Variants in GUCY1B1 observed in about 807,000 individuals in gnomAD.
The protein encoded by GUCY1B1 is guanylate cyclase 1 soluble subunit beta 1.
In GUCY1B1, 43 loss-of-function variants were observed where a neutral mutation model predicts 71.0. The ratio of observed to expected loss-of-function variants is 0.61; its 90% CI spans 0.47 to 0.78. The LOEUF is 0.78. Ranked by LOEUF, GUCY1B1 falls within the 30% of genes least tolerant of loss-of-function variation. The pLI is 0.00. For synonymous variants in GUCY1B1, 266 were observed against 259.7 expected (o/e 1.02, Z -0.23); for missense variants, 535 against 754.1 (o/e 0.71, Z 3.40).
chr4:155,781,400 A>G (rs1482542309), intron 4 of GUCY1B1, among the ~76,000 whole-genome samples: 1 of 152,182 alleles, frequency 6.6e-6, no homozygotes. Context: ...ATACTAACAT[A>G]TCTTTCCCCT....
At chr4:155,794,131 T>C in intron 6 of GUCY1B1, 45 bp downstream of exon 6, 1 of 1,013,538 alleles carries the variant, frequency 9.9e-7, no homozygotes, top group Non-Finnish European at 1.5e-6. Context: ...CAAAAGCCCA[T>C]AGAAATACTA....
At chr4:155,765,760 C>T (rs1737291645) in intron 2 of GUCY1B1, among the ~76,000 whole-genome samples, 3 of 152,160 alleles carry the variant, frequency 2.0e-5, no homozygotes, top group Admixed American at 2.0e-4. Flanking sequence ...ATTCCAGCCC[C>T]ATGGGCCTGT....
At chr4:155,759,454 G>A (rs1336896586) in intron 1 of GUCY1B1, 1 of 522,062 alleles carries the variant, frequency 1.9e-6, no homozygotes, top group Non-Finnish European at 3.3e-6. Context: ...CCACCAGTGT[G>A]GGAGGCTGAG....
At chr4:155,786,623 C>T (rs1738806203) in intron 4 of GUCY1B1, among the ~76,000 whole-genome samples, 1 of 151,766 alleles carries the variant, frequency 6.6e-6, no homozygotes. Context: ...GCACCCACCG[C>T]CACACCCTGC....
At chr4:155,778,476 T>G (rs541759270) in intron 4 of GUCY1B1, among the ~76,000 whole-genome samples, 17 of 152,254 alleles carry the variant, frequency 1.1e-4, no homozygotes, top group Admixed American at 2.0e-4. Context: ...AGTGCAATAC[T>G]AGCTGAACCG....
chr4:155,774,921 T>G lies in GUCY1B1; in HGVS notation c.78-47T>G, dbSNP rs745501241. ...TTATTATACTTATAGTAGCTATTTT[T>G]TTAACTTCAACTTTTCTCTTCTGTC... On this transcript the variant is annotated intron_variant, in intron 2 of 13. Coordinates refer to ENST00000264424, the MANE Select transcript of GUCY1B1 (RefSeq NM_000857.5). 89 of 1,007,322 alleles carry G rather than the reference T, an allele frequency of 8.8e-5. No homozygotes were observed. The South Asian group carries it at 1.1e-3, about 12-fold the overall frequency. The allele number at this position is 1,007,322 out of a possible 1,614,324, so 62.4% of individuals were successfully genotyped here.
At chr4:155,762,127 G>C (rs538911828) in intron 2 of GUCY1B1, among the ~76,000 whole-genome samples, 1 of 152,202 alleles carries the variant, frequency 6.6e-6, no homozygotes, top group Non-Finnish European at 1.5e-5. Context: ...CTCCCTGGGA[G>C]AGCATTTGCT....
intron 4 of GUCY1B1, among the ~76,000 whole-genome samples, chr4:155,786,156 G>A (rs1738748802): frequency 6.6e-6 from 1 of 151,426 alleles, no homozygotes; most frequent in Non-Finnish European, 1.5e-5. Context: ...CAGTAAAAAA[G>A]ATGAGTATGA....
intron 5 of GUCY1B1, among the ~76,000 whole-genome samples, chr4:155,791,749 A>AT (rs1739192219): frequency 7.0e-6 from 1 of 142,614 alleles, no homozygotes; most frequent in African/African-American, 2.6e-5. Flanking sequence ...TAGAGAAAAA[A>AT]AAAAAAATAA....
At chr4:155,781,991 T>G (rs978012655) in intron 4 of GUCY1B1, among the ~76,000 whole-genome samples, 2 of 152,198 alleles carry the variant, frequency 1.3e-5, no homozygotes, top group Non-Finnish European at 2.9e-5. Context: ...GTTTTTCCAC[T>G]TTTTTATTCA....
At position 155,771,146 on chromosome 4, in the gene GUCY1B1, A is replaced by G. The variant is rs1359551178; in HGVS notation, c.78-3822A>G. 2.0e-5 allele frequency among the ~76,000 whole-genome samples: 3 copies of G among 152,244 alleles called. No homozygotes were observed. In the East Asian group the frequency reaches 5.8e-4, roughly 29 times the overall value. Reference sequence around the variant, plus strand: ...TAGCCCCACATTCCCAAAGATGTAAATAGAGTCCTAAGTACTTTGAATAAT... The same window carrying G: ...TAGCCCCACATTCCCAAAGATGTAAGTAGAGTCCTAAGTACTTTGAATAAT... On this transcript the variant is annotated intron_variant, in intron 2 of 13. Transcript: ENST00000264424.
intron 5 of GUCY1B1, among the ~76,000 whole-genome samples, chr4:155,791,558 G>A (rs1739170586): frequency 6.7e-6 from 1 of 150,084 alleles, no homozygotes; most frequent in African/African-American, 2.4e-5. Context: ...GTGAAACCCC[G>A]TCTCTACTAA....
intron 12 of GUCY1B1, 99 bp downstream of exon 12, chr4:155,804,846 T>A (rs1291887610): frequency 2.0e-6 from 2 of 1,008,416 alleles, no homozygotes; most frequent in East Asian, 5.2e-5. Flanking sequence ...AACAGAGTTA[T>A]CACCTTCACT....
intron 4 of GUCY1B1, among the ~76,000 whole-genome samples, chr4:155,782,399 A>G (rs941501222): frequency 1.3e-5 from 2 of 152,138 alleles, no homozygotes; most frequent in African/African-American, 4.8e-5. Context: ...GCTATAGTCA[A>G]TTTCTATCTG....
In GUCY1B1 at chr4:155,775,062, G is replaced by A; in HGVS notation, c.172G>A (p.Val58Ile). 1 of 1,556,052 alleles carries A rather than the reference G, an allele frequency of 6.4e-7. No homozygotes were observed. Among genetic ancestry groups the A allele is most frequent in the Non-Finnish European group, 8.9e-7 (1 of 1,127,748 alleles). The change falls in exon 3 of 14, where the codon GTC (valine) becomes ATC (isoleucine). Residue 58 changes from valine (V) to isoleucine (I), a missense_variant. By Grantham distance (29) the Val-to-Ile change is conservative (BLOSUM62 3). Transcript: ENST00000264424. ...TGATTTGGTTGCTGCTGCAAGCAAAGTCCTCAGTAAGTTGAATGCAACTTT... is the reference window on the plus strand; with the variant it reads ...TGATTTGGTTGCTGCTGCAAGCAAAATCCTCAGTAAGTTGAATGCAACTTT... ...TYDLVAAASKVLNLNAGEILQ... is the reference protein window; with the variant it reads ...TYDLVAAASKILNLNAGEILQ...
chr4:155,776,927 G>C (rs1159676759), intron 3 of GUCY1B1, among the ~76,000 whole-genome samples: 2 of 152,120 alleles, frequency 1.3e-5, no homozygotes, highest in Admixed American at 1.3e-4. Context: ...TACAGGGTGA[G>C]TATCTCTTGT....
intron 3 of GUCY1B1, 52 bp downstream of exon 3, chr4:155,775,120 C>T: frequency 1.1e-6 from 1 of 904,796 alleles, no homozygotes; most frequent in East Asian, 2.4e-5. Flanking sequence ...TAGAAGCTCA[C>T]AGAATGCATG....
chr4:155,791,741 G>C (rs900938870), intron 5 of GUCY1B1, among the ~76,000 whole-genome samples: 166 of 47,394 alleles, frequency 3.5e-3, no homozygotes, highest in South Asian at 0.011. Flanking sequence ...CAAAAAAATA[G>C]AGAAAAAAAA....
intron 8 of GUCY1B1, among the ~76,000 whole-genome samples, chr4:155,797,580 A>G (rs540558016): frequency 1.3e-5 from 2 of 151,912 alleles, no homozygotes; most frequent in Non-Finnish European, 2.9e-5. Context: ...TCTACTAAAA[A>G]TACAAAAATT....
Sources: gnomAD v4.1 joint callset for allele counts (sites outside exome capture counted in the v4.1 genomes callset) on GRCh38, gnomAD v4.1.1 for gene constraint, MANE v1.5 for transcripts, NCBI Gene and HGNC (gene_info 2026-07-23, HGNC 2026-07-21) for gene names.